CYTH3: variants seen among roughly 807,000 people sequenced by gnomAD.
The protein encoded by CYTH3 is cytohesin 3.
A neutral mutation model predicts 55.1 loss-of-function variants in CYTH3; 23 were observed. The ratio of observed to expected loss-of-function variants is 0.42; its 90% CI spans 0.30 to 0.59. CYTH3 has a LOEUF of 0.59. CYTH3 is among the 20% of genes least tolerant of loss of function. CYTH3 has a pLI of 0.20. For missense variants in CYTH3, 413 were observed against 524.8 expected (o/e 0.79, Z 2.08); for synonymous variants, 249 against 194.9 (o/e 1.28, Z -2.31).
intron 1 of CYTH3, chr7:6,212,832 T>C (rs1258419503): frequency 6.6e-6 from 1 of 152,240 alleles, no homozygotes; most frequent in Non-Finnish European, 1.5e-5. Context: ...CTCTGATGGC[T>C]TCAGCTCTTG....
intron 9 of CYTH3, among the ~76,000 whole-genome samples, chr7:6,166,215 A>G (rs1229316554): frequency 6.6e-6 from 1 of 152,162 alleles, no homozygotes; most frequent in Non-Finnish European, 1.5e-5. Flanking sequence ...ATCCATCAAA[A>G]TCAGTCACCC....
In CYTH3 at chr7:6,174,383, G is replaced by A. The variant is rs374458768; in HGVS notation, c.369-650C>T. On this transcript the variant is annotated intron_variant, in intron 5 of 12. Coordinates refer to ENST00000350796, the MANE Select transcript of CYTH3 (RefSeq NM_004227.4). ...GCCCACCTCAGCCTCCCAAAGTGCT[G>A]GGATTACAGGTGTGAGCCACGGCAC... 9.9e-5 allele frequency among the ~76,000 whole-genome samples: 15 copies of A among 152,058 alleles called. 1 individual carries two copies. The highest frequency in any genetic ancestry group is 3.4e-4 in the African/African-American group (14 of 41,386).
At chr7:6,267,584 C>T (rs1218173898) in intron 1 of CYTH3, among the ~76,000 whole-genome samples, 1 of 152,156 alleles carries the variant, frequency 6.6e-6, no homozygotes. Flanking sequence ...CAGGCAGTGG[C>T]GCTATCTCGG....
intron 1 of CYTH3, among the ~76,000 whole-genome samples, chr7:6,258,464 A>G (rs1435665764): frequency 6.6e-6 from 1 of 152,198 alleles, no homozygotes; most frequent in African/African-American, 2.4e-5. Context: ...GGATAAGGAA[A>G]GAGGGATTAT....
chr7:6,216,598 G>A (rs778062927), intron 1 of CYTH3, among the ~76,000 whole-genome samples: 29 of 151,602 alleles, frequency 1.9e-4, no homozygotes, highest in African/African-American at 2.9e-4. Context: ...AAAATTAGCC[G>A]GGTGTGGTGA....
intron 1 of CYTH3, among the ~76,000 whole-genome samples, chr7:6,199,756 T>C (rs1485293307): frequency 6.6e-6 from 1 of 152,230 alleles, no homozygotes; most frequent in East Asian, 1.9e-4. Context: ...TCATGACAGA[T>C]ACCTCTTTAA....
chr7:6,259,182 T>C (rs1425420036), intron 1 of CYTH3, among the ~76,000 whole-genome samples: 2 of 152,196 alleles, frequency 1.3e-5, no homozygotes, highest in Non-Finnish European at 2.9e-5. Flanking sequence ...AACATCTGGA[T>C]GAAAACTTGG....
intron 1 of CYTH3, among the ~76,000 whole-genome samples, chr7:6,195,562 C>T (rs544002955): frequency 5.3e-5 from 8 of 152,118 alleles, no homozygotes; most frequent in Non-Finnish European, 7.4e-5. Context: ...TCAAGCAATT[C>T]TCCTGCCTCA....
chr7:6,207,724 C>T (rs1784227088), intron 1 of CYTH3, among the ~76,000 whole-genome samples: 1 of 151,798 alleles, frequency 6.6e-6, no homozygotes, highest in African/African-American at 2.4e-5. Context: ...TCGAGGCAGG[C>T]AGACTGCTTG....
chr7:6,200,244 G>A (rs1784028277), intron 1 of CYTH3, among the ~76,000 whole-genome samples: 1 of 152,134 alleles, frequency 6.6e-6, no homozygotes. Flanking sequence ...CCAAGAAGCT[G>A]CAGCTTTCTA....
chr7:6,219,742 A>T (rs1784511019), intron 1 of CYTH3, among the ~76,000 whole-genome samples: 1 of 152,202 alleles, frequency 6.6e-6, no homozygotes, highest in African/African-American at 2.4e-5. Flanking sequence ...AAACTCCACT[A>T]GCTTGGAATG....
At chr7:6,199,530 C>T (rs1784012770) in intron 1 of CYTH3, among the ~76,000 whole-genome samples, 1 of 152,150 alleles carries the variant, frequency 6.6e-6, no homozygotes, top group Admixed American at 6.5e-5. Flanking sequence ...CAAAATTCTA[C>T]ACCCTGCAAA....
chr7:6,164,690 G>A lies in CYTH3; in HGVS notation c.*254C>T, dbSNP rs533030316. 29 of 546,618 alleles carry A rather than the reference G, an allele frequency of 5.3e-5. No individual in the cohort carries two copies. The highest frequency in any genetic ancestry group is 4.4e-4 in the African/African-American group (23 of 52,452). 33.9% of individuals were successfully genotyped at this position (546,618 alleles called of 1,614,324 possible). A position where few individuals can be genotyped will look rare whatever the true frequency, so the allele number is the denominator to read the frequency against. ...CGCAGCCGACCATGACCCCAGCCAC[G>A]GCAGGAGGCCTCGAGGATCAGTCTG... is the stretch of plus-strand genomic sequence containing the variant. On this transcript the variant is annotated 3_prime_UTR_variant, in exon 13 of 13. Transcript: ENST00000350796.
rs1196674580 is a variant in CYTH3 at position 6,259,837 on chromosome 7, T to A, written c.34+12637A>T. 5.0e-4 allele frequency among the ~76,000 whole-genome samples: 36 copies of A among 71,982 alleles called. No individual in the cohort carries two copies. In the East Asian group the frequency reaches 5.9e-3, roughly 12 times the overall value. The allele number at this position is 71,982 out of a possible 152,430, so 47.2% of individuals were successfully genotyped here. A position where few individuals can be genotyped will look rare whatever the true frequency, so the allele number is the denominator to read the frequency against. ...TAATATATATATATATATATATTTT[T>A]TTTTTTTTTTAAGACGGATTTTCGC... On this transcript the variant is annotated intron_variant, in intron 1 of 12. Transcript: ENST00000350796.
In CYTH3 at chr7:6,162,143, A is replaced by G. The variant is rs2128533760; in HGVS notation, c.*2801T>C. On this transcript the variant is annotated 3_prime_UTR_variant, in exon 13 of 13. Transcript: ENST00000350796. ...TGAAGCACTAAGTGCTGCTCCATCTATAAATAGCTCCTATTTTCAGTTTGG... is the reference window on the plus strand; with the variant it reads ...TGAAGCACTAAGTGCTGCTCCATCTGTAAATAGCTCCTATTTTCAGTTTGG... 6.5e-6 allele frequency: 1 copy of G among 152,716 alleles called. No homozygotes were observed. Among genetic ancestry groups the G allele is most frequent in the East Asian group, 1.9e-4 (1 of 5,186 alleles). 9.5% of individuals were successfully genotyped at this position (152,716 alleles called of 1,614,324 possible). A position where few individuals can be genotyped will look rare whatever the true frequency, so the allele number is the denominator to read the frequency against.
chr7:6,173,809 A>C, intron 5 of CYTH3, 76 bp from the exon 6 acceptor site: 1 of 873,244 alleles, frequency 1.1e-6, no homozygotes, highest in Non-Finnish European at 1.9e-6. Flanking sequence ...CTGATGAATA[A>C]TGTGGCTATG....
chr7:6,213,068 T>C (rs1784356862), intron 1 of CYTH3, among the ~76,000 whole-genome samples: 1 of 152,236 alleles, frequency 6.6e-6, no homozygotes, highest in South Asian at 2.1e-4. Context: ...TTGTTTAGTT[T>C]ATGTCTCCTC....
rs773472763 is a variant in CYTH3, at chr7:6,164,986, G to A, written c.1158C>T (p.Asp386=). The change falls in exon 13 of 13, where the codon GAC becomes GAT. Residue 386 remains aspartate, a synonymous_variant. Transcript: ENST00000350796. ...KASISRDPFY[D]MLATRKRRIA... is the part of the protein sequence containing the mutation. ...TCCTTCGTTTCCTCGTTGCCAACAT[G>A]TCATAGAAGGGATCTCTGCTGATAC... 7 of 1,614,102 alleles carry A rather than the reference G, an allele frequency of 4.3e-6. No individual in the cohort carries two copies. The highest frequency in any genetic ancestry group is 4.0e-5 in the African/African-American group (3 of 74,932).
At chr7:6,271,052 A>G (rs981208380) in intron 1 of CYTH3, among the ~76,000 whole-genome samples, 1 of 152,178 alleles carries the variant, frequency 6.6e-6, no homozygotes, top group African/African-American at 2.4e-5. Flanking sequence ...TGTGACAGGC[A>G]GGAAACACGA....
Sources: allele counts gnomAD v4.1 joint callset (sites outside exome capture counted in the v4.1 genomes callset), GRCh38; gene constraint gnomAD v4.1.1; transcripts MANE v1.5; gene names NCBI Gene and HGNC (gene_info 2026-07-23, HGNC 2026-07-21).